Variants in ASAH2B observed in about 807,000 individuals in gnomAD.
The protein encoded by ASAH2B is putative inactive neutral ceramidase B.
In ASAH2B, 1 loss-of-function variant was observed where a neutral mutation model predicts 2.9. That is an observed-to-expected ratio of 0.34 (90% CI 0.12 to 1.63). The LOEUF is 1.63. Ranked by LOEUF, ASAH2B falls within the 40% of genes most tolerant of loss-of-function variation. ASAH2B has a pLI of 0.36. For missense variants in ASAH2B, 9 were observed against 37.7 expected (o/e 0.24, Z 1.99); for synonymous variants, 4 against 13.3 (o/e 0.30, Z 1.52).
At chr10:50,741,139 A>AT in intron 1 of ASAH2B, among the ~76,000 whole-genome samples, 1 of 152,278 alleles carries the variant, frequency 6.6e-6, no homozygotes, top group South Asian at 2.1e-4. Context: ...TTAAAAATTC[A>AT]TTTTTTCAGT....
chr10:50,741,821 A>G (rs1239668432), intron 1 of ASAH2B, among the ~76,000 whole-genome samples: 1 of 152,106 alleles, frequency 6.6e-6, no homozygotes, highest in African/African-American at 2.4e-5. Context: ...ATTCTAAGCA[A>G]GAGAATGCTT....
intron 2 of ASAH2B, among the ~76,000 whole-genome samples, chr10:50,744,087 G>C (rs1268336603): frequency 1.3e-5 from 2 of 150,974 alleles, no homozygotes; most frequent in Non-Finnish European, 2.9e-5. Context: ...TTGAATAACT[G>C]TTTGTATTTA....
chr10:50,741,693 G>A (rs542763475), intron 1 of ASAH2B, among the ~76,000 whole-genome samples: 3 of 152,134 alleles, frequency 2.0e-5, no homozygotes, highest in Non-Finnish European at 2.9e-5. Flanking sequence ...TATGCGGAGG[G>A]TGATGGTAAG....
At chr10:50,744,100 T>G (rs1489918266) in intron 2 of ASAH2B, among the ~76,000 whole-genome samples, 1 of 151,540 alleles carries the variant, frequency 6.6e-6, no homozygotes, top group African/African-American at 2.4e-5. Context: ...TGTATTTATT[T>G]ATTTATTTAT....
Position 50,745,192 on chromosome 10 carries a change from T to G in ASAH2B, c.62T>G (p.Leu21Ter). 1 of 624,630 alleles carries G rather than the reference T, an allele frequency of 1.6e-6. No homozygotes were observed. The highest frequency in any genetic ancestry group is 4.7e-5 in the East Asian group (1 of 21,134). The allele number at this position is 624,630 out of a possible 1,614,324, so 38.7% of individuals were successfully genotyped here. The change falls in exon 3 of 6, where the codon TTA (leucine) becomes TGA (stop). Residue 21 changes from leucine to a stop codon, truncating the protein, a stop_gained. Coordinates refer to ENST00000647317, the MANE Select transcript of ASAH2B (RefSeq NM_001321958.2). LOFTEE classifies it high-confidence loss of function. ...TTTTTCAAACAATTAATAGTTCCAT[T>G]AATTCCTAGTATTGTGGATAGAGCA... ...PPFFKQLIVP[L>*]IPSIVDRAPK...
intron 1 of ASAH2B, 82 bp from the exon 2 acceptor site, chr10:50,742,833 C>T (rs565297225): frequency 7.2e-7 from 1 of 1,390,188 alleles, no homozygotes; most frequent in African/African-American, 1.4e-5. Flanking sequence ...TGTCAAGCAT[C>T]ACACTTACCT....
At position 50,756,131 on chromosome 10, in the gene ASAH2B, T is replaced by G. The variant is rs1241006110; in HGVS notation, c.*1391T>G. ...CAAATTTCCAAACCCCAGGTCATAC[T>G]TTTGTATGTATGTAAAAGCTTTAGC... On this transcript the variant is annotated 3_prime_UTR_variant, in exon 6 of 6. Transcript: ENST00000647317. 10 of 148,512 alleles carry G rather than the reference T, an allele frequency of 6.7e-5. No individual in the cohort carries two copies. The Admixed American group carries it at 6.9e-4, about 10-fold the overall frequency. 9.2% of individuals were successfully genotyped at this position (148,512 alleles called of 1,614,324 possible).
chr10:50,754,166 C>T (rs1259438073), intron 5 of ASAH2B, among the ~76,000 whole-genome samples: 38 of 145,604 alleles, frequency 2.6e-4, no homozygotes, highest in East Asian at 8.3e-4. Flanking sequence ...TACACACACA[C>T]ATATATATAT....
At chr10:50,744,489 T>A (rs937203302) in intron 2 of ASAH2B, among the ~76,000 whole-genome samples, 1 of 151,696 alleles carries the variant, frequency 6.6e-6, no homozygotes, top group African/African-American at 2.4e-5. Context: ...GAGCATTAAA[T>A]ATTCATTGAA....
Position 50,756,947 on chromosome 10 carries a change from A to G in ASAH2B, c.*2207A>G, listed in dbSNP as rs1170484787. On this transcript the variant is annotated 3_prime_UTR_variant, in exon 6 of 6. Transcript: ENST00000647317. Reference sequence around the variant, plus strand: ...GGCGGAAACTCCTGAAATTGGTGGAAAAAGTGGAATATGGCAGATTGGGTA... The same window carrying G: ...GGCGGAAACTCCTGAAATTGGTGGAGAAAGTGGAATATGGCAGATTGGGTA... The G allele has an allele frequency of 2.0e-5, 3 of 151,768 alleles. No homozygotes were observed. In the East Asian group the frequency reaches 5.8e-4, roughly 29 times the overall value. The allele number at this position is 151,768 out of a possible 1,614,324, so 9.4% of individuals were successfully genotyped here. A position where few individuals can be genotyped will look rare whatever the true frequency, so the allele number is the denominator to read the frequency against.
rs1352825405 is a variant in ASAH2B, at chr10:50,745,637, A to C, written c.144+363A>C. On this transcript the variant is annotated intron_variant, in intron 3 of 5. Transcript: ENST00000647317. ...TTGTGTCCTGAAAGCTTGCTGAATCAGTTATTAGTTTCAACAGTTTTTCTG... is the reference window on the plus strand; with the variant it reads ...TTGTGTCCTGAAAGCTTGCTGAATCCGTTATTAGTTTCAACAGTTTTTCTG... Among the ~76,000 whole-genome samples the C allele has an allele frequency of 9.4e-5, 14 of 148,592 alleles. 1 individual carries two copies. Among genetic ancestry groups the C allele is most frequent in the Non-Finnish European group, 1.5e-5 (1 of 67,558 alleles).
intron 2 of ASAH2B, among the ~76,000 whole-genome samples, chr10:50,744,358 G>GA (rs989819508): frequency 2.0e-5 from 3 of 151,400 alleles, no homozygotes; most frequent in Non-Finnish European, 4.4e-5. Context: ...ATGTGATCTT[G>GA]AAAAAAACCA....
In ASAH2B at chr10:50,742,940, C is replaced by A. The variant is rs200791229; in HGVS notation, c.-74C>A. The A allele has an allele frequency of 9.3e-6, 15 of 1,613,950 alleles. No homozygotes were observed. Among genetic ancestry groups the A allele is most frequent in the Non-Finnish European group, 1.2e-5 (14 of 1,179,976 alleles). On this transcript the variant is annotated 5_prime_UTR_variant, in exon 2 of 6. Coordinates refer to ENST00000647317, the MANE Select transcript of ASAH2B (RefSeq NM_001321958.2). ...GCTCAGCGATATGAGGCAGCATCGA[C>A]AATTTATGGACCGCACGCATTATCT...
Position 50,742,896 on chromosome 10 carries a change from C to G in ASAH2B, c.-99-19C>G. On this transcript the variant is annotated intron_variant, in intron 1 of 5. Transcript: ENST00000647317. ...TAAATATGCAGAACCATATACAACT[C>G]TCCCTGCCTTTCCTGCAGGCTCAGC... 2.5e-6 allele frequency: 4 copies of G among 1,613,312 alleles called. No individual in the cohort carries two copies. In the South Asian group the frequency reaches 4.4e-5, roughly 18 times the overall value.
At chr10:50,744,223 G>T (rs1302863667) in intron 2 of ASAH2B, among the ~76,000 whole-genome samples, 1 of 151,274 alleles carries the variant, frequency 6.6e-6, no homozygotes, top group South Asian at 2.1e-4. Flanking sequence ...ATGCTCATAG[G>T]TCTATAGTTC....
chr10:50,741,865 A>G (rs1157754494), intron 1 of ASAH2B, among the ~76,000 whole-genome samples: 9 of 152,128 alleles, frequency 5.9e-5, no homozygotes, highest in Admixed American at 2.0e-4. Flanking sequence ...AGGTCAATAG[A>G]TGGCAGTGTA....
rs1837101141 is a variant in ASAH2B at position 50,756,755 on chromosome 10, T to G, written c.*2015T>G. ...AGGGCATGCAGTTCTATGTTCACAG[T>G]TCATGTGTAAAAATAAAACCAAATT... On this transcript the variant is annotated 3_prime_UTR_variant, in exon 6 of 6. Transcript: ENST00000647317. 1 of 151,836 alleles carries G rather than the reference T, an allele frequency of 6.6e-6. No individual in the cohort carries two copies. The highest frequency in any genetic ancestry group is 2.1e-4 in the South Asian group (1 of 4,834). The allele number at this position is 151,836 out of a possible 1,614,324, so 9.4% of individuals were successfully genotyped here. A position where few individuals can be genotyped will look rare whatever the true frequency, so the allele number is the denominator to read the frequency against.
In ASAH2B at chr10:50,757,233, A is replaced by T. The variant is rs567059378; in HGVS notation, c.*2493A>T. The T allele has an allele frequency of 5.3e-5, 8 of 151,510 alleles. No individual in the cohort carries two copies. The highest frequency in any genetic ancestry group is 1.7e-4 in the African/African-American group (7 of 41,448). 9.4% of individuals were successfully genotyped at this position (151,510 alleles called of 1,614,324 possible). A position where few individuals can be genotyped will look rare whatever the true frequency, so the allele number is the denominator to read the frequency against. ...AATGTAGACAAACGAACACTTTTTT[A>T]AAAAAAGAGGTGGAACAAAAGGTGG... On this transcript the variant is annotated 3_prime_UTR_variant, in exon 6 of 6. Coordinates refer to ENST00000647317, the MANE Select transcript of ASAH2B (RefSeq NM_001321958.2).
rs61180777 is a variant in ASAH2B at position 50,754,891 on chromosome 10, G to GGTGTGT, written c.*192_*197dup. 423 of 209,416 alleles carry GGTGTGT rather than the reference G, an allele frequency of 2.0e-3. 18 individuals carry two copies. The highest frequency in any genetic ancestry group is 0.014 in the African/African-American group (338 of 23,584). The allele number at this position is 209,416 out of a possible 1,614,324, so 13.0% of individuals were successfully genotyped here. A position where few individuals can be genotyped will look rare whatever the true frequency, so the allele number is the denominator to read the frequency against. On this transcript the variant is annotated 3_prime_UTR_variant, in exon 6 of 6. Coordinates refer to ENST00000647317, the MANE Select transcript of ASAH2B (RefSeq NM_001321958.2). ...TAGTTTACTGCTAATGGGGTGGAGG[G>GGTGTGT]GTGTGTGTGTGTGTGTGTGTGTGTG...
Sources: allele counts gnomAD v4.1 joint callset (sites outside exome capture counted in the v4.1 genomes callset), GRCh38; gene constraint gnomAD v4.1.1; transcripts MANE v1.5; gene names NCBI Gene and HGNC (gene_info 2026-07-23, HGNC 2026-07-21).